LRRC4C: variants seen among roughly 807,000 people sequenced by gnomAD.
LRRC4C encodes the protein leucine-rich repeat-containing protein 4C.
LRRC4C carries 5 observed loss-of-function variants against 33.6 expected under a neutral mutation model. The observed-to-expected ratio is 0.15, with a 90% confidence interval of 0.08 to 0.31. LRRC4C has a LOEUF of 0.31. Among genes scored for constraint, LRRC4C ranks in the 10% least tolerant of loss-of-function variants. The probability of loss-of-function intolerance (pLI) is 1.00; values close to 1 mark genes in which losing one functional copy is unlikely to be tolerated. For missense variants in LRRC4C, 560 were observed against 796.7 expected (o/e 0.70, Z 3.58); for synonymous variants, 329 against 302.0 (o/e 1.09, Z -0.93).
chr11:41,232,870 A>G (rs1353239378), intron 1 of LRRC4C, among the ~76,000 whole-genome samples: 1 of 151,950 alleles, frequency 6.6e-6, no homozygotes, highest in Non-Finnish European at 1.5e-5. Context: ...GTTCACATTT[A>G]TTTTGCCAAG....
intron 2 of LRRC4C, among the ~76,000 whole-genome samples, chr11:40,889,904 T>C (rs1955625689): frequency 6.6e-6 from 1 of 152,188 alleles, no homozygotes; most frequent in African/African-American, 2.4e-5. Flanking sequence ...TGTTTGCACA[T>C]ATCCTGGCTT....
intron 1 of LRRC4C, among the ~76,000 whole-genome samples, chr11:41,443,789 T>A (rs1482210204): frequency 1.3e-5 from 2 of 149,878 alleles, no homozygotes; most frequent in African/African-American, 4.9e-5. Context: ...CTATTTTTTT[T>A]TTTTTTTTTT....
At chr11:41,398,857 T>C (rs1384736671) in intron 1 of LRRC4C, among the ~76,000 whole-genome samples, 2 of 151,874 alleles carry the variant, frequency 1.3e-5, no homozygotes, top group South Asian at 2.1e-4. Context: ...GATAGCTCTA[T>C]AGGGAAGTTG....
chr11:40,552,705 A>G (rs1160805193), intron 3 of LRRC4C, among the ~76,000 whole-genome samples: 2 of 152,156 alleles, frequency 1.3e-5, no homozygotes, highest in Admixed American at 1.3e-4. Context: ...CTATAATCCT[A>G]AATAATGGGT....
intron 3 of LRRC4C, among the ~76,000 whole-genome samples, chr11:40,380,133 G>T (rs1035247781): frequency 6.6e-6 from 1 of 151,728 alleles, no homozygotes; most frequent in Non-Finnish European, 1.5e-5. Flanking sequence ...CTTTTTTGTG[G>T]GAAATCAAAA....
At chr11:41,141,429 C>G (rs529470711) in intron 1 of LRRC4C, among the ~76,000 whole-genome samples, 1 of 152,138 alleles carries the variant, frequency 6.6e-6, no homozygotes, top group South Asian at 2.1e-4. Flanking sequence ...TAACTGAAAC[C>G]TCTAATTGCT....
At chr11:41,449,648 T>A (rs1955954332) in intron 1 of LRRC4C, among the ~76,000 whole-genome samples, 1 of 151,444 alleles carries the variant, frequency 6.6e-6, no homozygotes, top group Non-Finnish European at 1.5e-5. Flanking sequence ...GGGAAGAAGA[T>A]CAAGGTGTTA....
At chr11:40,719,087 C>T (rs1239489188) in intron 2 of LRRC4C, among the ~76,000 whole-genome samples, 1 of 152,148 alleles carries the variant, frequency 6.6e-6, no homozygotes, top group Non-Finnish European at 1.5e-5. Context: ...AAGTCTCTAG[C>T]ATGAATCATT....
intron 1 of LRRC4C, among the ~76,000 whole-genome samples, chr11:41,019,573 C>G (rs773825657): frequency 1.6e-4 from 25 of 152,028 alleles, no homozygotes; most frequent in Non-Finnish European, 3.1e-4. Context: ...ATTTCTGACT[C>G]TAGATCCTTG....
chr11:40,487,262 T>G (rs910348539), intron 3 of LRRC4C, among the ~76,000 whole-genome samples: 6 of 152,212 alleles, frequency 3.9e-5, no homozygotes, highest in Admixed American at 6.6e-5. Context: ...CTTCTGTAAT[T>G]TGCAGTTTAA....
intron 2 of LRRC4C, among the ~76,000 whole-genome samples, chr11:40,690,224 G>A (rs750388222): frequency 3.3e-5 from 5 of 151,942 alleles, no homozygotes; most frequent in South Asian, 4.1e-4. Flanking sequence ...AGTTTTTCAC[G>A]TACTTTATTA....
chr11:41,434,944 T>C (rs1955375225), intron 1 of LRRC4C, among the ~76,000 whole-genome samples: 3 of 152,138 alleles, frequency 2.0e-5, no homozygotes, highest in African/African-American at 7.2e-5. Context: ...GAGCAGTATC[T>C]GGATGCATTT....
At chr11:41,277,350 T>G (rs1949517161) in intron 1 of LRRC4C, among the ~76,000 whole-genome samples, 1 of 152,200 alleles carries the variant, frequency 6.6e-6, no homozygotes, top group Admixed American at 6.5e-5. Flanking sequence ...ACACTCAATT[T>G]TTAAATCACC....
At chr11:40,998,288 T>C (rs142786437) in intron 1 of LRRC4C, among the ~76,000 whole-genome samples, 8 of 151,984 alleles carry the variant, frequency 5.3e-5, no homozygotes, top group African/African-American at 1.9e-4. Flanking sequence ...CATTCTTCCA[T>C]GTAACCACAG....
chr11:40,502,292 T>G (rs1259237141), intron 3 of LRRC4C, among the ~76,000 whole-genome samples: 1 of 152,198 alleles, frequency 6.6e-6, no homozygotes, highest in Non-Finnish European at 1.5e-5. Flanking sequence ...GTTTCCCAGT[T>G]CCAAAGTTGC....
chr11:41,421,097 A>T (rs1208272679), intron 1 of LRRC4C, among the ~76,000 whole-genome samples: 2 of 152,022 alleles, frequency 1.3e-5, no homozygotes, highest in East Asian at 1.9e-4. Flanking sequence ...TAAAATGGAG[A>T]TACTAATAGT....
chr11:40,187,169 C>T (rs561099301), intron 5 of LRRC4C, among the ~76,000 whole-genome samples: 11 of 152,280 alleles, frequency 7.2e-5, no homozygotes, highest in Non-Finnish European at 1.3e-4. Context: ...CCTAAGGAAG[C>T]CTGAACCCTG....
intron 1 of LRRC4C, among the ~76,000 whole-genome samples, chr11:41,018,347 T>A (rs1157631701): frequency 2.0e-5 from 3 of 152,092 alleles, no homozygotes; most frequent in Non-Finnish European, 4.4e-5. Context: ...GAATTTAAAT[T>A]GCAAAACACA....
rs115107400 is a variant in LRRC4C, at chr11:41,222,112, A to T, written c.-496+237319T>A. On this transcript the variant is annotated intron_variant, in intron 1 of 6. Coordinates refer to ENST00000528697, the MANE Select transcript of LRRC4C (RefSeq NM_001258419.2). ...GATATATAAGTATTTCAAATGATCA[A>T]CTAGCAACAAGAGACAAAAACACAC... 7.0e-3 allele frequency among the ~76,000 whole-genome samples: 1,064 copies of T among 152,316 alleles called. 13 individuals carry two copies. Among genetic ancestry groups the T allele is most frequent in the African/African-American group, 0.023 (973 of 41,564 alleles).
Sources: allele counts gnomAD v4.1 joint callset (sites outside exome capture counted in the v4.1 genomes callset), GRCh38; gene constraint gnomAD v4.1.1; transcripts MANE v1.5; gene names NCBI Gene and HGNC (gene_info 2026-07-23, HGNC 2026-07-21).